The following MPHOSPH10 variants were observed in gnomAD, a reference collection of about 807,000 sequenced individuals.
The protein encoded by MPHOSPH10 is M-phase phosphoprotein 10.
MPHOSPH10 carries 33 observed loss-of-function variants against 77.3 expected under a neutral mutation model. The observed-to-expected ratio is 0.43, with a 90% CI of 0.32 to 0.57. The LOEUF (loss-of-function observed/expected upper bound fraction) is 0.57. Among genes scored for constraint, MPHOSPH10 ranks in the 20% least tolerant of loss-of-function variants. The pLI, the probability that MPHOSPH10 is intolerant of heterozygous loss-of-function variation, is 0.07. For synonymous variants in MPHOSPH10, 245 were observed against 268.0 expected, an observed-to-expected ratio of 0.91 and a Z score of 0.84; for missense variants, 708 against 780.1, an observed-to-expected ratio of 0.91 and a Z score of 1.10.
Position 71,133,549 on chromosome 2 carries a change from G to A in MPHOSPH10, c.741G>A (p.Gly247=). The change falls in exon 2 of 11, where the codon GGG becomes GGA. Residue 247 remains glycine (G), a synonymous_variant. Coordinates refer to ENST00000244230, the MANE Select transcript of MPHOSPH10 (RefSeq NM_005791.3). ...FEDIDSDEDE[G]GLFGSKKLKS... ...ATATTGATTCTGATGAAGATGAAGG[G>A]GGACTGTTTGGAAGTAAAAAACTTA... 6.3e-7 allele frequency: 1 copy of A among 1,599,340 alleles called. No homozygotes were observed. The highest frequency in any genetic ancestry group is 1.1e-5 in the South Asian group (1 of 88,356).
intron 7 of MPHOSPH10, among the ~76,000 whole-genome samples, chr2:71,141,847 T>C (rs777226246): frequency 1.1e-4 from 17 of 151,948 alleles, no homozygotes; most frequent in Non-Finnish European, 2.4e-4. Flanking sequence ...CTGGCCAACA[T>C]AGTGAAACCC....
At chr2:71,148,281 A>G (rs935096719) in intron 9 of MPHOSPH10, 175 bp downstream of exon 9, 33 of 560,582 alleles carry the variant, frequency 5.9e-5, no homozygotes, top group African/African-American at 5.8e-4. Flanking sequence ...CCAGTCTCCT[A>G]TATTCTGGCT....
intron 4 of MPHOSPH10, among the ~76,000 whole-genome samples, chr2:71,136,349 A>C (rs1277109574): frequency 6.6e-6 from 1 of 152,128 alleles, no homozygotes; most frequent in African/African-American, 2.4e-5. Context: ...GCCCGTCTCC[A>C]CTAAAGATTA....
intron 8 of MPHOSPH10, among the ~76,000 whole-genome samples, chr2:71,145,257 C>G (rs1410822589): frequency 6.6e-6 from 1 of 152,158 alleles, no homozygotes; most frequent in Non-Finnish European, 1.5e-5. Flanking sequence ...ACCTGTTGCC[C>G]TTTGGTGCCT....
intron 7 of MPHOSPH10, chr2:71,144,126 A>G (rs747094919): frequency 5.5e-6 from 1 of 181,616 alleles, no homozygotes; most frequent in African/African-American, 2.4e-5. Context: ...CCTTTTAAAA[A>G]CAACTGTAGC....
chr2:71,147,770 C>T (rs72905548), intron 8 of MPHOSPH10, among the ~76,000 whole-genome samples: 6,179 of 152,190 alleles, frequency 0.041, 374 homozygotes, highest in African/African-American at 0.13. Flanking sequence ...TGAAGCAGTG[C>T]TGCCCCTCAG....
At chr2:71,139,715 A>T (rs552769427) in intron 5 of MPHOSPH10, 80 bp from the exon 6 acceptor site, 22 of 932,534 alleles carry the variant, frequency 2.4e-5, no homozygotes, top group South Asian at 2.3e-4. Flanking sequence ...CGTGTTGCTG[A>T]TGCTGTGGGT....
intron 5 of MPHOSPH10, chr2:71,139,334 A>G (rs949666292): frequency 1.9e-5 from 3 of 156,860 alleles, no homozygotes; most frequent in Admixed American, 1.3e-4. Context: ...TACCTAATGT[A>G]TAGTTTGTAA....
At position 71,145,700 on chromosome 2, in the gene MPHOSPH10, G is replaced by A. The variant is rs376673559; in HGVS notation, c.1557+1162G>A. On this transcript the variant is annotated intron_variant, in intron 8 of 10. Coordinates refer to ENST00000244230, the MANE Select transcript of MPHOSPH10 (RefSeq NM_005791.3). ...GGTCTTACTGAGATGAAGGACGTGG[G>A]CCTTTCTGGGCCTTACCTGTGTGAT... Among the ~76,000 whole-genome samples, 73 of 152,236 alleles carry A rather than the reference G, an allele frequency of 4.8e-4. 1 individual carries two copies. The South Asian group carries it at 0.015, about 31-fold the overall frequency.
At chr2:71,132,601 T>A (rs897495953) in intron 1 of MPHOSPH10, among the ~76,000 whole-genome samples, 6 of 151,996 alleles carry the variant, frequency 3.9e-5, no homozygotes, top group African/African-American at 1.2e-4. Flanking sequence ...ATGAATGGAG[T>A]GGTATATAAT....
chr2:71,136,522 TAAAA>T (rs886488585), intron 4 of MPHOSPH10, among the ~76,000 whole-genome samples: 6 of 143,562 alleles, frequency 4.2e-5, no homozygotes, highest in Non-Finnish European at 9.2e-5. Flanking sequence ...CTGAAAAAAT[TAAAA>T]AAAAAAAGAG....
At position 71,138,647 on chromosome 2, in the gene MPHOSPH10, C is replaced by T. The variant is rs766979221; in HGVS notation, c.1240+16C>T. Reference sequence around the variant, plus strand: ...GTCCGGATGGGTATGGTGCCCTCTTCTGTAGTTTTCATGTCTGTGCTTTTT... The same window carrying T: ...GTCCGGATGGGTATGGTGCCCTCTTTTGTAGTTTTCATGTCTGTGCTTTTT... On this transcript the variant is annotated intron_variant, in intron 5 of 10. Coordinates refer to ENST00000244230, the MANE Select transcript of MPHOSPH10 (RefSeq NM_005791.3). 1.2e-6 allele frequency: 2 copies of T among 1,614,024 alleles called. No individual in the cohort carries two copies. The highest frequency in any genetic ancestry group is 2.2e-5 in the East Asian group (1 of 44,888).
chr2:71,130,661 C>T lies in MPHOSPH10; in HGVS notation c.-5C>T, dbSNP rs368642773. 2.5e-6 allele frequency: 4 copies of T among 1,606,274 alleles called. No homozygotes were observed. In the African/African-American group the frequency reaches 5.3e-5, roughly 21 times the overall value. ...GCTGCATTGTGTCGGGAGTTGCTGA[C>T]AGCCATGGCGCCGCAGGTCTGGCGT... is the stretch of plus-strand genomic sequence containing the variant. On this transcript the variant is annotated 5_prime_UTR_variant, in exon 1 of 11. Coordinates refer to ENST00000244230, the MANE Select transcript of MPHOSPH10 (RefSeq NM_005791.3).
intron 4 of MPHOSPH10, among the ~76,000 whole-genome samples, chr2:71,137,488 G>A (rs973901300): frequency 2.6e-5 from 4 of 151,800 alleles, no homozygotes; most frequent in African/African-American, 7.3e-5. Flanking sequence ...GTAAGACCTC[G>A]TCTCTACAAA....
At chr2:71,137,387 G>A (rs912272948) in intron 4 of MPHOSPH10, among the ~76,000 whole-genome samples, 2 of 152,098 alleles carry the variant, frequency 1.3e-5, no homozygotes, top group Admixed American at 6.5e-5. Flanking sequence ...TGCCAGGTGC[G>A]GTGGCTCATG....
chr2:71,136,848 C>CTT (rs60456435), intron 4 of MPHOSPH10, among the ~76,000 whole-genome samples: 17 of 118,642 alleles, frequency 1.4e-4, no homozygotes, highest in African/African-American at 4.9e-4. Context: ...AACTTTCAAC[C>CTT]TTTTTTTTTT....
In MPHOSPH10 at chr2:71,148,508, G is replaced by A. The variant is rs61393184; in HGVS notation, c.1665+402G>A. On this transcript the variant is annotated intron_variant, in intron 9 of 10. Transcript: ENST00000244230. ...AGTAATGGAATCTGAATCTAGAATCGAGCATTTGGTTATCAGAAGAGGCTA... is the reference window on the plus strand; with the variant it reads ...AGTAATGGAATCTGAATCTAGAATCAAGCATTTGGTTATCAGAAGAGGCTA... 6,520 of 172,108 alleles carry A rather than the reference G, an allele frequency of 0.038. 726 individuals are homozygous for A. In the East Asian group the frequency reaches 0.42, roughly 11 times the overall value. The allele number at this position is 172,108 out of a possible 1,614,324, so 10.7% of individuals were successfully genotyped here.
intron 7 of MPHOSPH10, 41 bp downstream of exon 7, chr2:71,141,410 ATAGAAG>A (rs757478804): frequency 9.8e-6 from 14 of 1,424,422 alleles, no homozygotes; most frequent in Admixed American, 8.2e-5. Flanking sequence ...TATTAAAGAA[ATAGAAG>A]TAGAGAACTA....
rs191483778 is a variant in MPHOSPH10 at position 71,138,980 on chromosome 2, G to A, written c.1240+349G>A. 1.5e-5 allele frequency: 8 copies of A among 537,992 alleles called. No individual in the cohort carries two copies. In the East Asian group the frequency reaches 1.6e-4, roughly 11 times the overall value. 33.3% of individuals were successfully genotyped at this position (537,992 alleles called of 1,614,324 possible). A position where few individuals can be genotyped will look rare whatever the true frequency, so the allele number is the denominator to read the frequency against. On this transcript the variant is annotated intron_variant, in intron 5 of 10. Coordinates refer to ENST00000244230, the MANE Select transcript of MPHOSPH10 (RefSeq NM_005791.3). ...ACCCAGAAAGGGGAGGTTGCAGTGA[G>A]CCAAGGTTGTGCCAGTGTGCTCCAG...
Sources: gnomAD v4.1 joint callset for allele counts (sites outside exome capture counted in the v4.1 genomes callset) on GRCh38, gnomAD v4.1.1 for gene constraint, MANE v1.5 for transcripts, NCBI Gene and HGNC (gene_info 2026-07-23, HGNC 2026-07-21) for gene names.